The following COL9A3 variants were observed in gnomAD, a reference collection of about 807,000 sequenced individuals.
The protein encoded by COL9A3 is collagen alpha-3(IX) chain.
A neutral mutation model predicts 110.2 loss-of-function variants in COL9A3; 82 were observed. The observed-to-expected ratio is 0.74, with a 90% CI of 0.62 to 0.89. The LOEUF is 0.89. COL9A3 is among the 40% of genes least tolerant of loss of function. The probability of loss-of-function intolerance (pLI) is 0.00; values close to 1 mark genes in which losing one functional copy is unlikely to be tolerated. For missense variants in COL9A3, 1,066 were observed against 981.3 expected (o/e 1.09, Z -1.15); for synonymous variants, 494 against 403.8 (o/e 1.22, Z -2.68).
chr20:62,818,535 A>G lies in COL9A3; in HGVS notation c.165A>G (p.Pro55=), dbSNP rs1991011251. Residue 55 remains proline (P), a synonymous_variant, in exon 3 of 32, where the codon CCA becomes CCG. Coordinates refer to ENST00000649368, the MANE Select transcript of COL9A3 (RefSeq NM_001853.4). The part of the protein sequence containing the change: ...QDGIDGEAGP[P]GLPGPPGPKG... ...CCTCACAGGGAGAAGCTGGTCCTCC[A>G]GGTCTGCCTGGGCCCCCGGTGAGTG... 3 of 1,613,112 alleles carry G rather than the reference A, an allele frequency of 1.9e-6. No individual in the cohort carries two copies. Among genetic ancestry groups the G allele is most frequent in the East Asian group, 4.5e-5 (2 of 44,886 alleles).
intron 10 of COL9A3, 41 bp downstream of exon 10, chr20:62,822,673 C>G: frequency 6.2e-7 from 1 of 1,602,094 alleles, no homozygotes; most frequent in South Asian, 1.1e-5. Flanking sequence ...CTGGGGGGTG[C>G]CTACCTTGGG....
chr20:62,836,778 A>G, intron 29 of COL9A3: 1 of 622,938 alleles, frequency 1.6e-6, no homozygotes, highest in Non-Finnish European at 2.8e-6. Flanking sequence ...AGACGCCCTA[A>G]AGCCTGCTGA....
chr20:62,839,594 G>A lies in COL9A3; in HGVS notation c.1864+833G>A, dbSNP rs571878860. 2.0e-5 allele frequency among the ~76,000 whole-genome samples: 3 copies of A among 152,088 alleles called. No individual in the cohort carries two copies. In the East Asian group the frequency reaches 5.8e-4, roughly 29 times the overall value. On this transcript the variant is annotated intron_variant, in intron 31 of 31. Coordinates refer to ENST00000649368, the MANE Select transcript of COL9A3 (RefSeq NM_001853.4). ...GCTCCCACCTCTGCCTGGGTGCCCT[G>A]GAGCCTTCTCCTCTCCTCTCCTCCA... is the stretch of plus-strand genomic sequence containing the variant.
Position 62,817,106 on chromosome 20 carries a change from C to A in COL9A3, c.42C>A (p.Leu14=). ...CGTGCGCCCCGCTCCTGCTCCTGCT[C>A]CTGCTCGGGGAGCTTCTGGCGGCCG... ...PRACAPLLLL[L]LLGELLAAAG... Residue 14 remains leucine (L), a synonymous_variant, in exon 1 of 32, where the codon CTC becomes CTA. Transcript: ENST00000649368. 1.4e-6 allele frequency: 2 copies of A among 1,406,420 alleles called. No homozygotes were observed. Among genetic ancestry groups the A allele is most frequent in the South Asian group, 2.8e-5 (2 of 72,288 alleles). 87.1% of individuals were successfully genotyped at this position (1,406,420 alleles called of 1,614,324 possible).
chr20:62,827,592 G>A (rs1369979061), intron 16 of COL9A3, among the ~76,000 whole-genome samples: 1 of 152,210 alleles, frequency 6.6e-6, no homozygotes, highest in African/African-American at 2.4e-5. Context: ...ACGGCTCTCG[G>A]GTTGAGCAAG....
chr20:62,822,189 G>GTA (rs766944429), intron 9 of COL9A3, 25 bp downstream of exon 9: 6 of 1,434,304 alleles, frequency 4.2e-6, no homozygotes, highest in Non-Finnish European at 5.9e-6. Context: ...GAGGCTCTAA[G>GTA]AAGTGCTGGG....
At position 62,841,077 on chromosome 20, in the gene COL9A3, G is replaced by T. The variant is rs972839355; in HGVS notation, c.*345G>T. Reference sequence around the variant, plus strand: ...GACTATGATCTCATCCCAATAAAATGATATATTAAACCTTCAGATTAATGA... The same window carrying T: ...GACTATGATCTCATCCCAATAAAATTATATATTAAACCTTCAGATTAATGA... On this transcript the variant is annotated 3_prime_UTR_variant, in exon 32 of 32. Coordinates refer to ENST00000649368, the MANE Select transcript of COL9A3 (RefSeq NM_001853.4). 2.7e-5 allele frequency: 7 copies of T among 255,560 alleles called. No individual in the cohort carries two copies. Among genetic ancestry groups the T allele is most frequent in the Admixed American group, 1.0e-4 (2 of 19,966 alleles). 15.8% of individuals were successfully genotyped at this position (255,560 alleles called of 1,614,324 possible).
intron 14 of COL9A3, among the ~76,000 whole-genome samples, chr20:62,826,516 C>T (rs1036295578): frequency 1.3e-5 from 2 of 152,148 alleles, no homozygotes; most frequent in South Asian, 2.1e-4. Flanking sequence ...TGTGCCCGGG[C>T]GAGGGCTGAT....
At chr20:62,837,674 G>C (rs1424011622) in intron 30 of COL9A3, among the ~76,000 whole-genome samples, 10 of 151,874 alleles carry the variant, frequency 6.6e-5, no homozygotes, top group Non-Finnish European at 1.5e-5. Context: ...GGGCATGGTG[G>C]CACACGCCTG....
At chr20:62,827,117 C>A in intron 15 of COL9A3, 124 bp from the exon 16 acceptor site, 1 of 982,594 alleles carries the variant, frequency 1.0e-6, no homozygotes, top group East Asian at 2.5e-5. Context: ...GGAGGGGCCC[C>A]CATCCCACTC....
chr20:62,838,443 A>G (rs182675633), intron 30 of COL9A3, among the ~76,000 whole-genome samples: 199 of 152,330 alleles, frequency 1.3e-3, no homozygotes, highest in South Asian at 3.5e-3. Context: ...TTAAGGGACC[A>G]CTGTCACCTA....
Position 62,821,789 on chromosome 20 carries a change from GAT to G in COL9A3, c.403_404del (p.Ile135ArgfsTer32), listed in dbSNP as rs2063515011. ...EAGVSGPPGG[I>X]GLRGPPGPSG... is the part of the protein sequence containing the mutation. ...CAGGAGTGAGCGGCCCCCCAGGTGG[GAT>G]CGGCCTCCGCGGCCCCCCGGTGAGT... On this transcript the variant is annotated frameshift_variant, in exon 8 of 32. Transcript: ENST00000649368. LOFTEE classifies it high-confidence loss of function. 6.2e-7 allele frequency: 1 copy of G among 1,609,752 alleles called. No individual in the cohort carries two copies. The highest frequency in any genetic ancestry group is 8.5e-7 in the Non-Finnish European group (1 of 1,178,356).
intron 13 of COL9A3, 59 bp downstream of exon 13, chr20:62,825,929 G>T: frequency 6.6e-7 from 1 of 1,517,246 alleles, no homozygotes; most frequent in East Asian, 2.5e-5. Context: ...GAGTGATCAA[G>T]CCCTGCACAT....
In COL9A3 at chr20:62,840,559, G is replaced by A. The variant is rs746704470; in HGVS notation, c.1882G>A (p.Gly628Ser). The A allele has an allele frequency of 2.2e-5, 35 of 1,611,984 alleles. No homozygotes were observed. Among genetic ancestry groups the A allele is most frequent in the Non-Finnish European group, 2.5e-5 (30 of 1,179,816 alleles). Residue 628 changes from glycine (G) to serine (S), a missense_variant, in exon 32 of 32, where the codon GGC (glycine) becomes AGC (serine). Transcript: ENST00000649368. The stretch of plus-strand genomic sequence containing the variant: ...GTCCCAAGGACCCCAAGGCGTGCCC[G>A]GCACCAGCAAGGACGGCCAGGACGG... Reference protein sequence around the residue: ...QGPQGPQGVPGTSKDGQDGAP... With the variant: ...QGPQGPQGVPSTSKDGQDGAP...
intron 26 of COL9A3, among the ~76,000 whole-genome samples, chr20:62,835,621 A>G (rs1315601943): frequency 1.3e-5 from 2 of 152,204 alleles, no homozygotes; most frequent in African/African-American, 4.8e-5. Context: ...TCAGCCCAGC[A>G]TTAGGCGTGT....
Position 62,828,946 on chromosome 20 carries a change from T to G in COL9A3, c.978T>G (p.Ala326=). The change falls in exon 19 of 32, where the codon GCT becomes GCG. Residue 326 remains alanine, a synonymous_variant. Coordinates refer to ENST00000649368, the MANE Select transcript of COL9A3 (RefSeq NM_001853.4). Reference sequence around the variant, plus strand: ...AGGGAGAGGCTGGTCGCAACGGTGCTCCGGGAGAGAAGGGCCCCAACGGGC... The same window carrying G: ...AGGGAGAGGCTGGTCGCAACGGTGCGCCGGGAGAGAAGGGCCCCAACGGGC... ...GQKGEAGRNG[A]PGEKGPNGLP... The G allele has an allele frequency of 3.1e-6, 5 of 1,611,130 alleles. No homozygotes were observed. Among genetic ancestry groups the G allele is most frequent in the Middle Eastern group, 1.7e-4 (1 of 5,742 alleles).
chr20:62,826,660 C>T, intron 14 of COL9A3, 107 bp from the exon 15 acceptor site: 6 of 1,205,104 alleles, frequency 5.0e-6, no homozygotes, highest in Middle Eastern at 2.2e-4. Flanking sequence ...TGCTGGGGAG[C>T]CCTAGAGGAA....
chr20:62,840,015 C>T (rs1200723449), intron 31 of COL9A3, among the ~76,000 whole-genome samples: 2 of 152,162 alleles, frequency 1.3e-5, no homozygotes, highest in South Asian at 2.1e-4. Flanking sequence ...CTGTGTTGCA[C>T]TTGCTGGTGG....
At chr20:62,820,405 C>CT (rs1335311526) in intron 5 of COL9A3, among the ~76,000 whole-genome samples, 1 of 152,236 alleles carries the variant, frequency 6.6e-6, no homozygotes, top group African/African-American at 2.4e-5. Context: ...CCAAGGGTGC[C>CT]TTTCTCCCCT....
Sources: gnomAD v4.1 joint callset for allele counts (sites outside exome capture counted in the v4.1 genomes callset) on GRCh38, gnomAD v4.1.1 for gene constraint, MANE v1.5 for transcripts, NCBI Gene and HGNC (gene_info 2026-07-23, HGNC 2026-07-21) for gene names.